RHAG: variants seen among roughly 807,000 people sequenced by gnomAD.
The protein encoded by RHAG is Rh associated glycoprotein, also known as ammonium transporter Rh type A.
Under a neutral mutation model 42.4 loss-of-function variants are expected in RHAG, and 25 were observed. The ratio of observed to expected loss-of-function variants is 0.59; its 90% confidence interval spans 0.43 to 0.82. The LOEUF (loss-of-function observed/expected upper bound fraction) is 0.82. RHAG is among the 40% of genes least tolerant of loss of function. The pLI, the probability that RHAG is intolerant of heterozygous loss-of-function variation, is 0.00. For missense variants in RHAG, 483 were observed against 504.6 expected, an observed-to-expected ratio of 0.96 and a Z score of 0.41; for synonymous variants, 182 against 177.7, an observed-to-expected ratio of 1.02 and a Z score of -0.19.
At position 49,618,920 on chromosome 6, in the gene RHAG, A is replaced by G. The variant is rs542793515; in HGVS notation, c.341+259T>C. On this transcript the variant is annotated intron_variant, in intron 2 of 9. Transcript: ENST00000371175. ...GGAAGCCCAAGATCAAGATGCTGAC[A>G]GACTTGGTGTCTGATGAGGGCTCCC... Among the ~76,000 whole-genome samples the G allele has an allele frequency of 9.7e-4, 148 of 152,286 alleles. 1 individual carries two copies. The highest frequency in any genetic ancestry group is 3.4e-3 in the African/African-American group (143 of 41,554).
chr6:49,629,388 G>C (rs771524966), intron 1 of RHAG, among the ~76,000 whole-genome samples: 8 of 152,152 alleles, frequency 5.3e-5, no homozygotes, highest in Non-Finnish European at 1.0e-4. Context: ...CAAACCTTGA[G>C]CTAGATACAG....
intron 7 of RHAG, among the ~76,000 whole-genome samples, chr6:49,609,618 G>T (rs184922084): frequency 3.1e-4 from 47 of 152,242 alleles, no homozygotes; most frequent in African/African-American, 1.1e-3. Context: ...TTGCAAAAAG[G>T]GTTAAAAAAT....
At position 49,618,192 on chromosome 6, in the gene RHAG, G is replaced by C. The variant is rs1313947815; in HGVS notation, c.368C>G (p.Ala123Gly). 1 of 1,614,118 alleles carries C rather than the reference G, an allele frequency of 6.2e-7. No individual in the cohort carries two copies. Among genetic ancestry groups the C allele is most frequent in the South Asian group, 1.1e-5 (1 of 91,076 alleles). The change falls in exon 3 of 10, where the codon GCC becomes GGC. Residue 123 changes from alanine (A) to glycine (G), a missense_variant. By Grantham distance (60) the Ala-to-Gly change is moderately conservative. Coordinates refer to ENST00000371175, the MANE Select transcript of RHAG (RefSeq NM_000324.3). ...AGCTCCAAAAGATATCAGAACTGTG[G>C]CTGCACTGAAGTCTGCATTTATCAT... Reference protein sequence around the residue: ...KNMINADFSAATVLISFGAVL... With the variant: ...KNMINADFSAGTVLISFGAVL...
At chr6:49,617,885 T>C (rs1762680232) in intron 3 of RHAG, among the ~76,000 whole-genome samples, 183 bp downstream of exon 3, 1 of 152,100 alleles carries the variant, frequency 6.6e-6, no homozygotes, top group South Asian at 2.1e-4. Flanking sequence ...GAAGATGAAA[T>C]AAGATAATGT....
intron 3 of RHAG, among the ~76,000 whole-genome samples, chr6:49,616,614 T>C (rs978043659): frequency 2.0e-5 from 3 of 152,178 alleles, no homozygotes; most frequent in African/African-American, 7.2e-5. Flanking sequence ...TTCTTTCCTC[T>C]AGAGGGAATA....
At chr6:49,613,442 T>C (rs557023739) in intron 5 of RHAG, among the ~76,000 whole-genome samples, 48 of 152,296 alleles carry the variant, frequency 3.2e-4, no homozygotes, top group African/African-American at 1.1e-3. Flanking sequence ...GAAGCAGAGG[T>C]CATCAGTACT....
chr6:49,606,103 GA>G (rs1282026288), intron 9 of RHAG, among the ~76,000 whole-genome samples: 1 of 152,088 alleles, frequency 6.6e-6, no homozygotes, highest in African/African-American at 2.4e-5. Context: ...AATAATTTGG[GA>G]AAAAGTATCA....
chr6:49,613,218 C>T (rs755453516), intron 5 of RHAG, among the ~76,000 whole-genome samples: 2 of 151,830 alleles, frequency 1.3e-5, no homozygotes, highest in Non-Finnish European at 2.9e-5. Flanking sequence ...TACAGGTGCA[C>T]GCCACCATGT....
intron 3 of RHAG, among the ~76,000 whole-genome samples, chr6:49,617,128 C>A (rs1404839916): frequency 1.3e-5 from 2 of 152,174 alleles, no homozygotes; most frequent in African/African-American, 4.8e-5. Context: ...TTTCACCTTA[C>A]TCTAGAAGTT....
At chr6:49,630,249 G>C (rs1013942901) in intron 1 of RHAG, among the ~76,000 whole-genome samples, 2 of 152,212 alleles carry the variant, frequency 1.3e-5, no homozygotes, top group Non-Finnish European at 2.9e-5. Flanking sequence ...TTGTTGCTCT[G>C]TGTGCTCATT....
At chr6:49,613,157 C>T (rs925805901) in intron 5 of RHAG, among the ~76,000 whole-genome samples, 2 of 151,740 alleles carry the variant, frequency 1.3e-5, no homozygotes, top group Non-Finnish European at 2.9e-5. Context: ...GCAACCTCCA[C>T]CTCCTGGGTT....
chr6:49,609,447 T>G (rs747679574), intron 7 of RHAG, among the ~76,000 whole-genome samples: 3 of 152,194 alleles, frequency 2.0e-5, no homozygotes, highest in Non-Finnish European at 4.4e-5. Context: ...AGGCACCTCT[T>G]AGGGTGTTTG....
At position 49,628,002 on chromosome 6, in the gene RHAG, C is replaced by T. The variant is rs544865375; in HGVS notation, c.158-8640G>A. 1.2e-3 allele frequency among the ~76,000 whole-genome samples: 184 copies of T among 152,284 alleles called. 1 individual carries two copies. Among genetic ancestry groups the T allele is most frequent in the Non-Finnish European group, 2.2e-3 (151 of 68,034 alleles). On this transcript the variant is annotated intron_variant, in intron 1 of 9. Coordinates refer to ENST00000371175, the MANE Select transcript of RHAG (RefSeq NM_000324.3). ...TAAAATGTAACTGATTATTCTAACA[C>T]TCTCTACCACCCAAAAGAAACAAAA...
At chr6:49,621,253 C>A (rs1338688337) in intron 1 of RHAG, among the ~76,000 whole-genome samples, 1 of 152,160 alleles carries the variant, frequency 6.6e-6, no homozygotes, top group Non-Finnish European at 1.5e-5. Flanking sequence ...TTTTCCCTGG[C>A]GGTCAGGAGT....
rs1247138624 is a variant in RHAG, at chr6:49,606,914, A to G, written c.1146T>C (p.Ile382=). 1.2e-6 allele frequency: 2 copies of G among 1,610,314 alleles called. No homozygotes were observed. The highest frequency in any genetic ancestry group is 1.7e-6 in the Non-Finnish European group (2 of 1,176,744). The change falls in exon 9 of 10, where the codon ATT becomes ATC. Residue 382 remains isoleucine, a synonymous_variant. Transcript: ENST00000371175. ...GCTGTCCCCAGAGAGGCAACTTTAG[A>G]ATTAAACCTGTGACGGTAGAGGGAA... is the stretch of plus-strand genomic sequence containing the variant. ...AVVGGLMTGL[I]LKLPLWGQPS...
At position 49,605,492 on chromosome 6, in the gene RHAG, G is replaced by A. The variant is rs1774145307; in HGVS notation, c.*321C>T. On this transcript the variant is annotated 3_prime_UTR_variant, in exon 10 of 10. Transcript: ENST00000371175. ...AGTGTCTACATTAAGAAACTGACATGTTTACTCTGTATTTACTCACTGCCA... is the reference window on the plus strand; with the variant it reads ...AGTGTCTACATTAAGAAACTGACATATTTACTCTGTATTTACTCACTGCCA... 2.5e-6 allele frequency: 1 copy of A among 403,562 alleles called. No homozygotes were observed. Among genetic ancestry groups the A allele is most frequent in the South Asian group, 2.7e-5 (1 of 37,258 alleles). 25.0% of individuals were successfully genotyped at this position (403,562 alleles called of 1,614,324 possible). A position where few individuals can be genotyped will look rare whatever the true frequency, so the allele number is the denominator to read the frequency against.
chr6:49,606,889 G>A lies in RHAG; in HGVS notation c.1171C>T (p.Pro391Ser). The change falls in exon 9 of 10, where the codon CCA (proline) becomes TCA (serine). Residue 391 changes from proline (P) to serine (S), a missense_variant. Coordinates refer to ENST00000371175, the MANE Select transcript of RHAG (RefSeq NM_000324.3). ...LILKLPLWGQ[P>S]SDQNCYDDSV... ...TCATCATAGCAGTTCTGGTCAGATGGCTGTCCCCAGAGAGGCAACTTTAGA... is the reference window on the plus strand; with the variant it reads ...TCATCATAGCAGTTCTGGTCAGATGACTGTCCCCAGAGAGGCAACTTTAGA... 2.5e-6 allele frequency: 4 copies of A among 1,611,900 alleles called. No homozygotes were observed. The highest frequency in any genetic ancestry group is 3.4e-6 in the Non-Finnish European group (4 of 1,178,138).
intron 3 of RHAG, among the ~76,000 whole-genome samples, 174 bp from the exon 4 acceptor site, chr6:49,615,945 C>T (rs963711917): frequency 2.0e-5 from 3 of 152,122 alleles, no homozygotes; most frequent in Non-Finnish European, 4.4e-5. Flanking sequence ...AGAAATAGTA[C>T]AGAATTTGGA....
rs147926701 is a variant in RHAG at position 49,618,438 on chromosome 6, C to T, written c.342-220G>A. The stretch of plus-strand genomic sequence containing the variant: ...CTCATTTAGGGTTTTCCTTTATATT[C>T]TTTGATCTAATAAGTGAATTATTTC... On this transcript the variant is annotated intron_variant, in intron 2 of 9. Coordinates refer to ENST00000371175, the MANE Select transcript of RHAG (RefSeq NM_000324.3). 7.9e-3 allele frequency among the ~76,000 whole-genome samples: 1,201 copies of T among 152,190 alleles called. 18 individuals are homozygous for T. The highest frequency in any genetic ancestry group is 0.027 in the African/African-American group (1,125 of 41,518).
Sources: allele counts gnomAD v4.1 joint callset (sites outside exome capture counted in the v4.1 genomes callset), GRCh38; gene constraint gnomAD v4.1.1; transcripts MANE v1.5; gene names NCBI Gene and HGNC (gene_info 2026-07-23, HGNC 2026-07-21).